The following CACNA2D1 variants were observed in gnomAD, a reference collection of about 807,000 sequenced individuals.
The protein encoded by CACNA2D1 is voltage-dependent calcium channel subunit alpha-2/delta-1.
A neutral mutation model predicts 171.5 loss-of-function variants in CACNA2D1; 53 were observed. That is an observed-to-expected ratio of 0.31 (90% CI 0.25 to 0.39). The LOEUF is 0.39. CACNA2D1 is among the 10% of genes least tolerant of loss of function. CACNA2D1 has a pLI of 1.00. For missense variants in CACNA2D1, 903 were observed against 1,299.8 expected, an observed-to-expected ratio of 0.69 and a Z score of 4.69; for synonymous variants, 442 against 443.1, an observed-to-expected ratio of 1.00 and a Z score of 0.03.
At chr7:82,010,655 G>A (rs1413128807) in intron 15 of CACNA2D1, among the ~76,000 whole-genome samples, 5 of 152,130 alleles carry the variant, frequency 3.3e-5, no homozygotes, top group African/African-American at 1.2e-4. Context: ...AAGGAACACT[G>A]GACAGTAATT....
chr7:81,975,332 CATT>C (rs1375556161), intron 24 of CACNA2D1, among the ~76,000 whole-genome samples: 1 of 151,790 alleles, frequency 6.6e-6, no homozygotes, highest in Non-Finnish European at 1.5e-5. Flanking sequence ...AAAATATTAC[CATT>C]ATTTTAAAAA....
At chr7:82,341,559 T>C (rs1033666224) in intron 2 of CACNA2D1, among the ~76,000 whole-genome samples, 7 of 152,234 alleles carry the variant, frequency 4.6e-5, no homozygotes, top group African/African-American at 1.4e-4. Flanking sequence ...TAATAAATGA[T>C]GTAATCTACT....
intron 3 of CACNA2D1, among the ~76,000 whole-genome samples, chr7:82,302,833 T>A (rs7789791): frequency 0.27 from 40,567 of 152,054 alleles, 6,389 homozygotes; most frequent in Non-Finnish European, 0.35. Context: ...ATAAGCTAAA[T>A]ATAATTGTCT....
At chr7:82,333,825 G>A (rs1428748797) in intron 3 of CACNA2D1, among the ~76,000 whole-genome samples, 2 of 151,996 alleles carry the variant, frequency 1.3e-5, no homozygotes, top group Non-Finnish European at 2.9e-5. Context: ...TAACTTGCAC[G>A]TGGACTAAAC....
intron 6 of CACNA2D1, among the ~76,000 whole-genome samples, chr7:82,091,642 A>T (rs1811177313): frequency 2.6e-5 from 4 of 152,220 alleles, no homozygotes. Context: ...CACTTGAAAT[A>T]AAATGATAAT....
At chr7:82,399,904 G>A (rs1335938248) in intron 1 of CACNA2D1, among the ~76,000 whole-genome samples, 1 of 152,006 alleles carries the variant, frequency 6.6e-6, no homozygotes, top group Non-Finnish European at 1.5e-5. Context: ...AGATTTCCAG[G>A]TTTGTAGCAT....
At chr7:81,987,386 T>C (rs1797080845) in intron 21 of CACNA2D1, among the ~76,000 whole-genome samples, 1 of 152,202 alleles carries the variant, frequency 6.6e-6, no homozygotes, top group Non-Finnish European at 1.5e-5. Context: ...ATGAATAGTA[T>C]AGCCCAGGCA....
intron 3 of CACNA2D1, among the ~76,000 whole-genome samples, chr7:82,276,821 T>C (rs1000641479): frequency 2.0e-5 from 3 of 151,442 alleles, no homozygotes; most frequent in African/African-American, 7.3e-5. Context: ...CAATCTCGGC[T>C]CACTGCAACC....
intron 1 of CACNA2D1, among the ~76,000 whole-genome samples, chr7:82,363,123 G>T (rs1821261596): frequency 6.6e-6 from 1 of 151,800 alleles, no homozygotes; most frequent in Non-Finnish European, 1.5e-5. Flanking sequence ...TTTCAGAAAA[G>T]AAATTAAGTG....
At chr7:82,026,041 G>C (rs909256142) in intron 12 of CACNA2D1, among the ~76,000 whole-genome samples, 1 of 146,204 alleles carries the variant, frequency 6.8e-6, no homozygotes, top group Admixed American at 6.8e-5. Flanking sequence ...TCTTTGTCTC[G>C]TGTCAGTTTT....
chr7:82,420,989 C>CA (rs780056703), intron 1 of CACNA2D1, among the ~76,000 whole-genome samples: 4 of 152,174 alleles, frequency 2.6e-5, no homozygotes, highest in Admixed American at 2.0e-4. Flanking sequence ...CAATCTAACA[C>CA]ACGGGTATTC....
intron 3 of CACNA2D1, among the ~76,000 whole-genome samples, chr7:82,221,603 G>A (rs566950602): frequency 3.3e-5 from 5 of 151,948 alleles, no homozygotes; most frequent in South Asian, 2.1e-4. Context: ...AAAAATAGCC[G>A]GCGTGATGGC....
chr7:82,310,586 T>C (rs892734216), intron 3 of CACNA2D1, among the ~76,000 whole-genome samples: 3 of 151,990 alleles, frequency 2.0e-5, no homozygotes, highest in African/African-American at 4.8e-5. Flanking sequence ...TTGAATAAGA[T>C]TTTCATATAC....
chr7:82,429,233 A>G (rs935717901), intron 1 of CACNA2D1, among the ~76,000 whole-genome samples: 3 of 152,188 alleles, frequency 2.0e-5, no homozygotes, highest in Non-Finnish European at 4.4e-5. Flanking sequence ...CATATCTTAT[A>G]ACTTTCACTT....
intron 3 of CACNA2D1, among the ~76,000 whole-genome samples, chr7:82,178,642 A>C (rs1796802574): frequency 6.6e-6 from 1 of 152,100 alleles, no homozygotes; most frequent in Non-Finnish European, 1.5e-5. Context: ...ACACTCTTCT[A>C]GAGGGTAATA....
chr7:82,014,501 TA>T (rs1350639606), intron 12 of CACNA2D1, 22 bp from the exon 13 acceptor site: 2 of 1,284,076 alleles, frequency 1.6e-6, no homozygotes, highest in Non-Finnish European at 2.3e-6. Flanking sequence ...GAAAAATAGG[TA>T]TTCATTAGGC....
chr7:82,294,047 G>T (rs1811975629), intron 3 of CACNA2D1, among the ~76,000 whole-genome samples: 1 of 151,942 alleles, frequency 6.6e-6, no homozygotes, highest in Admixed American at 6.6e-5. Flanking sequence ...ACAGATTTAA[G>T]TCTTCATTTT....
chr7:81,962,646 C>G, intron 34 of CACNA2D1, 151 bp from the exon 35 acceptor site: 1 of 624,052 alleles, frequency 1.6e-6, no homozygotes, highest in Non-Finnish European at 2.9e-6. Flanking sequence ...TTATATAACA[C>G]ATTGTAACCT....
chr7:82,217,339 C>T (rs1309147485), intron 3 of CACNA2D1, among the ~76,000 whole-genome samples: 10 of 79,090 alleles, frequency 1.3e-4, no homozygotes, highest in Non-Finnish European at 2.0e-4. Flanking sequence ...TCTGTTGCAT[C>T]CTGCCTTTTT....
Sources: allele counts gnomAD v4.1 joint callset (sites outside exome capture counted in the v4.1 genomes callset), GRCh38; gene constraint gnomAD v4.1.1; transcripts MANE v1.5; gene names NCBI Gene and HGNC (gene_info 2026-07-23, HGNC 2026-07-21).